CABIN1: variants seen among roughly 807,000 people sequenced by gnomAD.
The protein encoded by CABIN1 is calcineurin-binding protein cabin-1.
Under a neutral mutation model 227.7 loss-of-function variants are expected in CABIN1, and 133 were observed. The observed-to-expected ratio is 0.58, with a 90% CI of 0.51 to 0.67. The LOEUF is 0.67. Among genes scored for constraint, CABIN1 ranks in the 30% least tolerant of loss-of-function variants. CABIN1 has a pLI of 0.00. For missense variants in CABIN1, 2,408 were observed against 2,852.5 expected (o/e 0.84, Z 3.55); for synonymous variants, 1,086 against 1,155.1 (o/e 0.94, Z 1.21).
chr22:24,080,922 T>C (rs920676697), intron 19 of CABIN1, among the ~76,000 whole-genome samples: 1 of 152,140 alleles, frequency 6.6e-6, no homozygotes, highest in Non-Finnish European at 1.5e-5. Context: ...TTTTCTTTTT[T>C]CCCCCTTGTC....
intron 4 of CABIN1, among the ~76,000 whole-genome samples, chr22:24,039,382 TTC>T (rs1415341723): frequency 5.9e-5 from 9 of 152,210 alleles, no homozygotes; most frequent in African/African-American, 2.2e-4. Flanking sequence ...CATCTGTTCC[TTC>T]TCTCACCCAC....
At chr22:24,049,747 C>A (rs188559454) in intron 7 of CABIN1, among the ~76,000 whole-genome samples, 267 of 152,298 alleles carry the variant, frequency 1.8e-3, no homozygotes, top group Admixed American at 2.7e-3. Flanking sequence ...CCCCAAGTCC[C>A]TTGCAGTTTC....
chr22:24,174,500 CT>C (rs991816496), intron 34 of CABIN1, among the ~76,000 whole-genome samples: 11 of 152,296 alleles, frequency 7.2e-5, no homozygotes, highest in African/African-American at 2.6e-4. Context: ...GTGTTGGTAG[CT>C]GACTTACTCC....
At chr22:24,118,887 A>T (rs977644888) in intron 27 of CABIN1, among the ~76,000 whole-genome samples, 2 of 152,234 alleles carry the variant, frequency 1.3e-5, no homozygotes, top group African/African-American at 4.8e-5. Context: ...CTTGGCTCAC[A>T]TATAGCAGCG....
intron 34 of CABIN1, among the ~76,000 whole-genome samples, chr22:24,173,693 G>T (rs1248146952): frequency 6.6e-6 from 1 of 152,192 alleles, no homozygotes; most frequent in African/African-American, 2.4e-5. Context: ...AATTAGCTGG[G>T]TGTGGTGGTG....
chr22:24,098,352 C>T, intron 26 of CABIN1, 160 bp downstream of exon 26: 1 of 1,437,956 alleles, frequency 7.0e-7, no homozygotes, highest in Non-Finnish European at 9.4e-7. Flanking sequence ...CATGGATTCA[C>T]AGTGATTCTT....
intron 13 of CABIN1, 103 bp from the exon 14 acceptor site, chr22:24,062,856 G>A (rs1180569296): frequency 9.0e-7 from 1 of 1,107,050 alleles, no homozygotes; most frequent in Non-Finnish European, 1.4e-6. Context: ...GGGTGCCCCT[G>A]GAGATAGGGT....
In CABIN1 at chr22:24,049,331, C is replaced by T. The variant is rs764125275; in HGVS notation, c.656+111C>T. 5.6e-4 allele frequency: 763 copies of T among 1,356,634 alleles called. 1 individual carries two copies. The highest frequency in any genetic ancestry group is 1.0e-3 in the Middle Eastern group (4 of 3,970). The allele number at this position is 1,356,634 out of a possible 1,614,324, so 84.0% of individuals were successfully genotyped here. A position where few individuals can be genotyped will look rare whatever the true frequency, so the allele number is the denominator to read the frequency against. ...GTCCCATGGATGGAGCCCCTGTGCT[C>T]TGGGGCTTCATGCCCTGCCGCAGCC... On this transcript the variant is annotated intron_variant, in intron 7 of 36. Coordinates refer to ENST00000263119, the MANE Select transcript of CABIN1 (RefSeq NM_012295.4).
At chr22:24,022,652 T>A (rs2146608512) in intron 1 of CABIN1, among the ~76,000 whole-genome samples, 1 of 152,328 alleles carries the variant, frequency 6.6e-6, no homozygotes, top group Non-Finnish European at 1.5e-5. Context: ...ATGTTGAGTT[T>A]TATAAGAAAC....
intron 7 of CABIN1, among the ~76,000 whole-genome samples, chr22:24,049,693 G>A (rs988902802): frequency 2.0e-5 from 3 of 152,080 alleles, no homozygotes; most frequent in African/African-American, 4.8e-5. Flanking sequence ...GTTCTCCCAC[G>A]TCACCTCCTG....
intron 29 of CABIN1, among the ~76,000 whole-genome samples, chr22:24,145,053 A>C (rs116170365): frequency 0.013 from 2,021 of 152,348 alleles, 37 homozygotes; most frequent in African/African-American, 0.046. Context: ...CAGAAGATGC[A>C]GCATGAGGCA....
chr22:24,166,571 C>T, intron 31 of CABIN1, 68 bp from the exon 32 acceptor site: 2 of 1,600,618 alleles, frequency 1.2e-6, no homozygotes, highest in Non-Finnish European at 1.7e-6. Context: ...GGCTCACCAG[C>T]CCCCAGAGGT....
intron 26 of CABIN1, among the ~76,000 whole-genome samples, chr22:24,101,888 C>T (rs976181231): frequency 2.6e-5 from 4 of 151,890 alleles, no homozygotes; most frequent in Non-Finnish European, 4.4e-5. Context: ...TGTGTGTGCC[C>T]GTGTGTAATT....
chr22:24,049,320 G>A (rs1374919428), intron 7 of CABIN1, 100 bp downstream of exon 7: 1 of 1,447,020 alleles, frequency 6.9e-7, no homozygotes, highest in South Asian at 1.2e-5. Context: ...CATGGATGGA[G>A]CCCCTGTGCT....
At chr22:24,110,709 C>T (rs2042762589) in intron 26 of CABIN1, among the ~76,000 whole-genome samples, 1 of 151,280 alleles carries the variant, frequency 6.6e-6, no homozygotes, top group Admixed American at 6.6e-5. Flanking sequence ...TTTATTCTTT[C>T]AGCACTTTAA....
intron 33 of CABIN1, among the ~76,000 whole-genome samples, chr22:24,168,843 G>A (rs745792680): frequency 5.3e-5 from 8 of 152,224 alleles, no homozygotes; most frequent in Non-Finnish European, 1.0e-4. Context: ...AAGCAGCAAT[G>A]TTAGAGCCAG....
intron 5 of CABIN1, among the ~76,000 whole-genome samples, chr22:24,041,969 A>G (rs1396279597): frequency 6.6e-6 from 1 of 152,188 alleles, no homozygotes; most frequent in Non-Finnish European, 1.5e-5. Flanking sequence ...AAATTGTTTT[A>G]AAGACAGGGT....
chr22:24,061,871 T>G lies in CABIN1; in HGVS notation c.1618-76T>G. The G allele has an allele frequency of 9.5e-6, 10 of 1,049,390 alleles. No individual in the cohort carries two copies. The South Asian group carries it at 1.3e-4, about 13-fold the overall frequency. 65.0% of individuals were successfully genotyped at this position (1,049,390 alleles called of 1,614,324 possible). A position where few individuals can be genotyped will look rare whatever the true frequency, so the allele number is the denominator to read the frequency against. On this transcript the variant is annotated intron_variant, in intron 12 of 36. Coordinates refer to ENST00000263119, the MANE Select transcript of CABIN1 (RefSeq NM_012295.4). ...ATCAAAAAGTATAGTTTTGTTTCCT[T>G]CCACAGCCCCCTACCCCCCACACTG...
At chr22:24,041,062 T>C in intron 4 of CABIN1, 77 bp from the exon 5 acceptor site, 4 of 1,592,724 alleles carry the variant, frequency 2.5e-6, no homozygotes, top group Non-Finnish European at 2.6e-6. Flanking sequence ...GAGGCCAGCC[T>C]GGAAGCCAAG....
Sources: allele counts gnomAD v4.1 joint callset (sites outside exome capture counted in the v4.1 genomes callset), GRCh38; gene constraint gnomAD v4.1.1; transcripts MANE v1.5; gene names NCBI Gene and HGNC (gene_info 2026-07-23, HGNC 2026-07-21).